Variants in NPNT observed in about 807,000 individuals in gnomAD.
NPNT encodes preosteoblast EGF-like repeat protein with MAM domain.
Under a neutral mutation model 68.6 loss-of-function variants are expected in NPNT, and 45 were observed. The observed-to-expected ratio is 0.66, with a 90% CI of 0.52 to 0.84. The LOEUF is 0.84. Among genes scored for constraint, NPNT ranks in the 40% least tolerant of loss-of-function variants. The pLI is 0.00. For missense variants in NPNT, 672 were observed against 714.8 expected, an observed-to-expected ratio of 0.94 and a Z score of 0.68; for synonymous variants, 233 against 253.3, an observed-to-expected ratio of 0.92 and a Z score of 0.76.
intron 8 of NPNT, among the ~76,000 whole-genome samples, chr4:105,952,325 G>T (rs1195275521): frequency 6.6e-6 from 1 of 152,148 alleles, no homozygotes; most frequent in East Asian, 1.9e-4. Context: ...TTTATTCTAG[G>T]CTTGTTACCA....
intron 2 of NPNT, chr4:105,912,257 T>C: frequency 6.6e-7 from 1 of 1,515,378 alleles, no homozygotes; most frequent in Non-Finnish European, 8.9e-7. Flanking sequence ...AACATATTTC[T>C]TGAAATAATT....
chr4:105,916,386 A>C (rs1357797316), intron 2 of NPNT, among the ~76,000 whole-genome samples: 1 of 141,786 alleles, frequency 7.1e-6, no homozygotes, highest in Non-Finnish European at 1.6e-5. Context: ...TGCCCATATA[A>C]TTTTTTTTTT....
intron 8 of NPNT, among the ~76,000 whole-genome samples, chr4:105,948,433 A>G (rs2149386143): frequency 6.6e-6 from 1 of 152,242 alleles, no homozygotes; most frequent in South Asian, 2.1e-4. Context: ...CAATTTTTTC[A>G]TCTGTAAAAT....
Position 105,932,769 on chromosome 4 carries a change from T to G in NPNT, c.266-4240T>G, listed in dbSNP as rs922688383. On this transcript the variant is annotated intron_variant, in intron 3 of 11. Coordinates refer to ENST00000379987, the MANE Select transcript of NPNT (RefSeq NM_001033047.3). ...GCATGGCTTCCTGCAGTTATGTCAC[T>G]TCTTGCAAATGTTCTGAAGACTAGC... 5.4e-6 allele frequency: 6 copies of G among 1,112,346 alleles called. No homozygotes were observed. In the Admixed American group the frequency reaches 1.2e-4, roughly 22 times the overall value. The allele number at this position is 1,112,346 out of a possible 1,614,324, so 68.9% of individuals were successfully genotyped here.
intron 10 of NPNT, among the ~76,000 whole-genome samples, chr4:105,961,699 C>A (rs28480231): frequency 6.6e-6 from 1 of 151,936 alleles, no homozygotes; most frequent in Non-Finnish European, 1.5e-5. Context: ...GTTATTGGAC[C>A]GTGTTAGTAC....
chr4:105,922,075 T>G (rs1320203069), intron 2 of NPNT, among the ~76,000 whole-genome samples: 2 of 152,154 alleles, frequency 1.3e-5, no homozygotes, highest in Non-Finnish European at 2.9e-5. Context: ...AAATTACAAA[T>G]GATTCTTGGA....
At position 105,969,109 on chromosome 4, in the gene NPNT, G is replaced by A. The variant is rs1379509121; in HGVS notation, c.*119G>A. 2 of 652,360 alleles carry A rather than the reference G, an allele frequency of 3.1e-6. No homozygotes were observed. The highest frequency in any genetic ancestry group is 5.2e-6 in the Non-Finnish European group (2 of 385,150). 40.4% of individuals were successfully genotyped at this position (652,360 alleles called of 1,614,324 possible). ...AGAAGAGTGGGTCAGTGGGTCAGAA[G>A]GAAGTCTATTTGGTGACCCAGGTTT... On this transcript the variant is annotated 3_prime_UTR_variant, in exon 12 of 12. Coordinates refer to ENST00000379987, the MANE Select transcript of NPNT (RefSeq NM_001033047.3).
chr4:105,900,843 T>G (rs985431292), intron 2 of NPNT, among the ~76,000 whole-genome samples: 3 of 149,918 alleles, frequency 2.0e-5, no homozygotes, highest in Non-Finnish European at 4.4e-5. Flanking sequence ...TGTTTTTTTT[T>G]TTTTTTTTTT....
rs1187134773 is a variant in NPNT, at chr4:105,923,307, G to A, written c.173-4029G>A. On this transcript the variant is annotated intron_variant, in intron 2 of 11. Coordinates refer to ENST00000379987, the MANE Select transcript of NPNT (RefSeq NM_001033047.3). The stretch of plus-strand genomic sequence containing the variant: ...TTTCTAATCTAGTTATTTAGATGTA[G>A]AAATAAAGTTTTTTTTTTACATTCC... 3.3e-5 allele frequency among the ~76,000 whole-genome samples: 5 copies of A among 150,282 alleles called. No homozygotes were observed. The East Asian group carries it at 5.9e-4, about 18-fold the overall frequency.
intron 2 of NPNT, chr4:105,898,263 T>A (rs1726047922): frequency 3.0e-6 from 1 of 331,228 alleles, no homozygotes; most frequent in South Asian, 1.4e-4. Flanking sequence ...AATCTGCATC[T>A]CCTTCCTGTT....
intron 2 of NPNT, among the ~76,000 whole-genome samples, chr4:105,916,441 T>TG (rs986662811): frequency 2.0e-5 from 3 of 152,006 alleles, no homozygotes; most frequent in African/African-American, 7.3e-5. Flanking sequence ...AGGCTGGTCT[T>TG]GAACTCCTGA....
chr4:105,965,556 A>C (rs943580860), intron 10 of NPNT, among the ~76,000 whole-genome samples: 5 of 152,184 alleles, frequency 3.3e-5, no homozygotes, highest in African/African-American at 1.2e-4. Context: ...TACATTCCAC[A>C]GGGACTTAAT....
In NPNT at chr4:105,942,951, A is replaced by G. The variant is rs578063056; in HGVS notation, c.1159+249A>G. On this transcript the variant is annotated intron_variant, in intron 8 of 11. Coordinates refer to ENST00000379987, the MANE Select transcript of NPNT (RefSeq NM_001033047.3). Reference sequence around the variant, plus strand: ...TGGTAGATGACAGCTCTTAGCCAGTATGGGAATTCTGACATAGTTGGATTT... The same window carrying G: ...TGGTAGATGACAGCTCTTAGCCAGTGTGGGAATTCTGACATAGTTGGATTT... Among the ~76,000 whole-genome samples the G allele has an allele frequency of 2.6e-5, 4 of 152,366 alleles. No homozygotes were observed. The South Asian group carries it at 8.3e-4, about 32-fold the overall frequency.
intron 5 of NPNT, 34 bp downstream of exon 5, chr4:105,938,454 C>T: frequency 6.2e-7 from 1 of 1,606,736 alleles, no homozygotes; most frequent in Non-Finnish European, 8.5e-7. Flanking sequence ...CTGTCAGCAG[C>T]CTCTGTAGGA....
At chr4:105,956,584 A>C (rs564123590) in intron 8 of NPNT, among the ~76,000 whole-genome samples, 14 of 152,328 alleles carry the variant, frequency 9.2e-5, no homozygotes, top group African/African-American at 3.1e-4. Context: ...AAGTTACAAC[A>C]AAAGAAGGGG....
chr4:105,898,667 T>C (rs143723559), intron 2 of NPNT, among the ~76,000 whole-genome samples: 2,212 of 152,274 alleles, frequency 0.015, 24 homozygotes, highest in Middle Eastern at 0.031. Flanking sequence ...ACCAACCTCA[T>C]GTAATAAGTA....
chr4:105,967,095 G>GAAA (rs371424664), intron 10 of NPNT, 93 bp from the exon 11 acceptor site: 766 of 1,033,460 alleles, frequency 7.4e-4, no homozygotes, highest in Middle Eastern at 1.4e-3. Flanking sequence ...ACAAAGAAAA[G>GAAA]AAAAAAAAAA....
intron 4 of NPNT, among the ~76,000 whole-genome samples, 157 bp from the exon 5 acceptor site, chr4:105,938,143 TC>T (rs1729637948): frequency 6.6e-6 from 1 of 152,334 alleles, no homozygotes; most frequent in African/African-American, 2.4e-5. Flanking sequence ...TTTCTTTCCT[TC>T]CCCCTTTTAT....
At chr4:105,913,634 G>C (rs572348863) in intron 2 of NPNT, among the ~76,000 whole-genome samples, 2 of 152,282 alleles carry the variant, frequency 1.3e-5, no homozygotes, top group East Asian at 3.9e-4. Context: ...ACTCTGAGCC[G>C]AGTTTTACTA....
Sources: allele counts gnomAD v4.1 joint callset (sites outside exome capture counted in the v4.1 genomes callset), GRCh38; gene constraint gnomAD v4.1.1; transcripts MANE v1.5; gene names NCBI Gene and HGNC (gene_info 2026-07-23, HGNC 2026-07-21).